Variants in MYO9B observed in about 807,000 individuals in gnomAD.
The protein encoded by MYO9B is myosin IXB.
In MYO9B, 71 loss-of-function variants were observed where a neutral mutation model predicts 229.5. The observed-to-expected ratio is 0.31, with a 90% CI of 0.26 to 0.38. MYO9B has a LOEUF of 0.38. Among genes scored for constraint, MYO9B ranks in the 10% least tolerant of loss-of-function variants. The pLI is 1.00. For synonymous variants in MYO9B, 1,185 were observed against 1,235.8 expected (o/e 0.96, Z 0.86); for missense variants, 2,255 against 2,920.5 (o/e 0.77, Z 5.25).
At chr19:17,109,506 C>T (rs1249674175) in intron 2 of MYO9B, among the ~76,000 whole-genome samples, 3 of 152,162 alleles carry the variant, frequency 2.0e-5, no homozygotes, top group Non-Finnish European at 2.9e-5. Flanking sequence ...CAGAGAGACA[C>T]GTGGATGTGT....
At chr19:17,192,110 C>A (rs942856038) in intron 20 of MYO9B, among the ~76,000 whole-genome samples, 53 of 151,788 alleles carry the variant, frequency 3.5e-4, no homozygotes, top group Admixed American at 2.6e-3. Flanking sequence ...TGCCCGCCAC[C>A]ACACCTGACT....
intron 35 of MYO9B, among the ~76,000 whole-genome samples, 161 bp from the exon 36 acceptor site, chr19:17,209,425 G>T (rs944500107): frequency 5.3e-5 from 8 of 152,212 alleles, no homozygotes. Flanking sequence ...GTGAGCTGCC[G>T]AAGGTCACAC....
At position 17,205,464 on chromosome 19, in the gene MYO9B, TGGTTCTGCAGAACACACCATTGTCCCC is replaced by T. The variant is rs1234521523; in HGVS notation, c.5064+136_5064+162del. 37 of 835,376 alleles carry T rather than the reference TGGTTCTGCAGAACACACCATTGTCCCC, an allele frequency of 4.4e-5. No homozygotes were observed. The Admixed American group carries it at 8.0e-4, about 18-fold the overall frequency. 51.7% of individuals were successfully genotyped at this position (835,376 alleles called of 1,614,324 possible). A position where few individuals can be genotyped will look rare whatever the true frequency, so the allele number is the denominator to read the frequency against. On this transcript the variant is annotated intron_variant, in intron 31 of 39. Coordinates refer to ENST00000682292, the MANE Select transcript of MYO9B (RefSeq NM_004145.4). ...GCCAGTAGGGGGCGGCTGTGGCCTC[TGGTTCTGCAGAACACACCATTGTCCCC>T]GGTTCTGTACAAACTCCTTGAGGCC...
intron 3 of MYO9B, among the ~76,000 whole-genome samples, chr19:17,149,707 C>T (rs1244488956): frequency 6.6e-6 from 1 of 152,206 alleles, no homozygotes; most frequent in Non-Finnish European, 1.5e-5. Context: ...CAGTCCAAGC[C>T]TCCCCACCCA....
At chr19:17,083,754 G>A (rs1001945914) in intron 1 of MYO9B, among the ~76,000 whole-genome samples, 6 of 149,624 alleles carry the variant, frequency 4.0e-5, no homozygotes, top group South Asian at 2.1e-4. Flanking sequence ...TCAAGTTACC[G>A]ATTCTCCTGC....
intron 2 of MYO9B, among the ~76,000 whole-genome samples, chr19:17,110,860 C>G (rs2057841124): frequency 6.6e-6 from 1 of 152,090 alleles, no homozygotes; most frequent in South Asian, 2.1e-4. Flanking sequence ...TGCCACTGCC[C>G]CAGACCCCCC....
intron 3 of MYO9B, among the ~76,000 whole-genome samples, chr19:17,150,407 CAAAA>C (rs1210665341): frequency 1.7e-5 from 2 of 120,142 alleles, no homozygotes; most frequent in Admixed American, 8.6e-5. Context: ...GACTCCGTCT[CAAAA>C]AAAAAAAAAA....
intron 2 of MYO9B, among the ~76,000 whole-genome samples, chr19:17,128,568 C>A (rs2072154010): frequency 6.6e-6 from 1 of 152,226 alleles, no homozygotes; most frequent in South Asian, 2.1e-4. Flanking sequence ...CCATAGGGCT[C>A]CTGTGTCCAT....
intron 13 of MYO9B, among the ~76,000 whole-genome samples, chr19:17,175,288 A>AG (rs1313013169): frequency 6.6e-6 from 1 of 151,448 alleles, no homozygotes; most frequent in Non-Finnish European, 1.5e-5. Flanking sequence ...TTAAAAAAAA[A>AG]AAAAAAAAGG....
rs542719238 is a variant in MYO9B, at chr19:17,137,086, G to A, written c.841-8311G>A. 5.3e-5 allele frequency among the ~76,000 whole-genome samples: 8 copies of A among 152,152 alleles called. No individual in the cohort carries two copies. The East Asian group carries it at 5.8e-4, about 11-fold the overall frequency. Reference sequence around the variant, plus strand: ...CTCTACTTAAAATACAAAATTAGCCGGGGTGATGGCGCGTGCCTATAATCC... The same window carrying A: ...CTCTACTTAAAATACAAAATTAGCCAGGGTGATGGCGCGTGCCTATAATCC... On this transcript the variant is annotated intron_variant, in intron 2 of 39. Coordinates refer to ENST00000682292, the MANE Select transcript of MYO9B (RefSeq NM_004145.4).
At chr19:17,135,797 C>T (rs534859577) in intron 2 of MYO9B, among the ~76,000 whole-genome samples, 15 of 152,210 alleles carry the variant, frequency 9.9e-5, no homozygotes, top group African/African-American at 3.4e-4. Flanking sequence ...CCCTGTGTTA[C>T]GTTCCCAAGA....
rs906866052 is a variant in MYO9B at position 17,207,080 on chromosome 19, C to T, written c.5493-33C>T. The T allele has an allele frequency of 3.7e-6, 6 of 1,607,562 alleles. No individual in the cohort carries two copies. The African/African-American group carries it at 8.0e-5, about 21-fold the overall frequency. ...TCCCTGGTACCTCCCTCCCTCGGCC[C>T]TAGCCATCCTCTAACTGCCAGTGGC... On this transcript the variant is annotated intron_variant, in intron 34 of 39. Coordinates refer to ENST00000682292, the MANE Select transcript of MYO9B (RefSeq NM_004145.4).
At chr19:17,098,124 G>T (rs988788345) in intron 1 of MYO9B, among the ~76,000 whole-genome samples, 13 of 150,486 alleles carry the variant, frequency 8.6e-5, no homozygotes, top group African/African-American at 3.2e-4. Flanking sequence ...GCATGATTGC[G>T]GCTCGCTACA....
At chr19:17,187,492 C>A (rs1434286584) in intron 18 of MYO9B, among the ~76,000 whole-genome samples, 1 of 152,210 alleles carries the variant, frequency 6.6e-6, no homozygotes, top group Non-Finnish European at 1.5e-5. Flanking sequence ...CCAGCACTTA[C>A]CCCAGTGCCT....
chr19:17,136,184 G>A (rs995573933), intron 2 of MYO9B, among the ~76,000 whole-genome samples: 3 of 152,166 alleles, frequency 2.0e-5, no homozygotes, highest in African/African-American at 7.2e-5. Context: ...CCACATAGGT[G>A]AGGCTGGGCT....
intron 36 of MYO9B, 84 bp from the exon 37 acceptor site, chr19:17,210,249 G>A: frequency 7.3e-7 from 1 of 1,378,462 alleles, no homozygotes; most frequent in Non-Finnish European, 9.8e-7. Context: ...CCCCTATCTT[G>A]GTACCGGTCA....
intron 1 of MYO9B, among the ~76,000 whole-genome samples, chr19:17,090,643 T>C (rs1008571414): frequency 6.6e-6 from 1 of 152,238 alleles, no homozygotes; most frequent in Non-Finnish European, 1.5e-5. Context: ...GTACTGATGC[T>C]GTCAGCTGGA....
At chr19:17,169,363 C>G (rs2072695192) in intron 11 of MYO9B, among the ~76,000 whole-genome samples, 1 of 107,170 alleles carries the variant, frequency 9.3e-6, no homozygotes, top group East Asian at 2.7e-4. Context: ...CAGACCAAGA[C>G]TCTGTCTCAA....
Position 17,102,165 on chromosome 19 carries a change from G to T in MYO9B, c.448G>T (p.Asp150Tyr). The T allele has an allele frequency of 6.2e-7, 1 of 1,613,798 alleles. No homozygotes were observed. Among genetic ancestry groups the T allele is most frequent in the South Asian group, 1.1e-5 (1 of 91,074 alleles). The change falls in exon 2 of 40, where the codon GAC (aspartate) becomes TAC (tyrosine). Residue 150 changes from aspartate (D) to tyrosine (Y), a missense_variant. Around this residue, in one of 7 missense-constraint regions of MYO9B, gnomAD observed 386 missense variants for 515.2 expected, o/e 0.75. Transcript: ENST00000682292. ...LLPRQQADFD[D>Y]LCNLPELTEG... is the part of the protein sequence containing the mutation. ...GCCACGGCAGCAGGCGGACTTTGATGACCTGTGTAACCTCCCCGAGCTAAC... is the reference window on the plus strand; with the variant it reads ...GCCACGGCAGCAGGCGGACTTTGATTACCTGTGTAACCTCCCCGAGCTAAC...
Sources: gnomAD v4.1 joint callset for allele counts (sites outside exome capture counted in the v4.1 genomes callset) on GRCh38, gnomAD v4.1.1 for gene constraint, gnomAD v4.1.1 regional missense constraint, MANE v1.5 for transcripts, NCBI Gene and HGNC (gene_info 2026-07-23, HGNC 2026-07-21) for gene names.